Variants in ATF7IP observed in about 807,000 individuals in gnomAD.
ATF7IP encodes activating transcription factor 7-interacting protein 1.
In ATF7IP, 23 loss-of-function variants were observed where a neutral mutation model predicts 106.4. The ratio of observed to expected loss-of-function variants is 0.22; its 90% confidence interval spans 0.16 to 0.31. ATF7IP has a LOEUF of 0.31. Ranked by LOEUF, ATF7IP falls within the 10% of genes least tolerant of loss-of-function variation. The pLI is 1.00. For synonymous variants in ATF7IP, 542 were observed against 539.0 expected (o/e 1.01, Z -0.08); for missense variants, 1,334 against 1,524.3 (o/e 0.88, Z 2.08).
At chr12:14,378,271 T>C (rs1405702437) in intron 1 of ATF7IP, among the ~76,000 whole-genome samples, 1 of 151,892 alleles carries the variant, frequency 6.6e-6, no homozygotes, top group African/African-American at 2.4e-5. Flanking sequence ...CTAATTTTTG[T>C]ATTTTAAGTA....
At chr12:14,386,092 T>C (rs1939224916) in intron 1 of ATF7IP, among the ~76,000 whole-genome samples, 1 of 152,198 alleles carries the variant, frequency 6.6e-6, no homozygotes, top group Non-Finnish European at 1.5e-5. Context: ...TTAAAAAATA[T>C]ATCTAATGTA....
intron 14 of ATF7IP, 30 bp from the exon 15 acceptor site, chr12:14,497,624 A>G: frequency 6.4e-7 from 1 of 1,566,206 alleles, no homozygotes; most frequent in Middle Eastern, 1.7e-4. Flanking sequence ...TTTTGCAATC[A>G]TCATTAATCA....
intron 1 of ATF7IP, among the ~76,000 whole-genome samples, chr12:14,392,083 G>A (rs919357560): frequency 1.3e-5 from 2 of 152,096 alleles, no homozygotes; most frequent in Non-Finnish European, 2.9e-5. Context: ...AGTTTTTCTT[G>A]TTTTTAAAAT....
intron 1 of ATF7IP, among the ~76,000 whole-genome samples, chr12:14,397,178 AAAAC>A (rs1210721941): frequency 2.0e-5 from 3 of 152,136 alleles, no homozygotes; most frequent in African/African-American, 7.2e-5. Flanking sequence ...AAGAAAACCA[AAAAC>A]AAACAAAAAA....
At chr12:14,474,583 T>C (rs2136784611) in intron 10 of ATF7IP, among the ~76,000 whole-genome samples, 1 of 152,106 alleles carries the variant, frequency 6.6e-6, no homozygotes, top group East Asian at 1.9e-4. Context: ...GTATTTTTAG[T>C]AGAGATGGGG....
At chr12:14,379,184 G>A (rs1442443251) in intron 1 of ATF7IP, among the ~76,000 whole-genome samples, 1 of 151,748 alleles carries the variant, frequency 6.6e-6, no homozygotes, top group Non-Finnish European at 1.5e-5. Context: ...CCACAATAGT[G>A]AGTGAGTTCT....
At chr12:14,475,252 G>A (rs1330222218) in intron 10 of ATF7IP, among the ~76,000 whole-genome samples, 1 of 152,180 alleles carries the variant, frequency 6.6e-6, no homozygotes, top group Non-Finnish European at 1.5e-5. Context: ...GAATCAGGTA[G>A]CTAATAAGTT....
chr12:14,368,847 C>A (rs1295890990), intron 1 of ATF7IP, among the ~76,000 whole-genome samples: 2 of 151,644 alleles, frequency 1.3e-5, no homozygotes, highest in African/African-American at 4.8e-5. Context: ...CTTTGGGGTC[C>A]TTAGCTTTTA....
chr12:14,463,941 T>C (rs553775801), intron 9 of ATF7IP, among the ~76,000 whole-genome samples: 1 of 152,274 alleles, frequency 6.6e-6, no homozygotes, highest in African/African-American at 2.4e-5. Flanking sequence ...AAAGAACAGA[T>C]TTGGGGGAAA....
At chr12:14,465,185 G>A (rs941640414) in intron 9 of ATF7IP, among the ~76,000 whole-genome samples, 1 of 151,904 alleles carries the variant, frequency 6.6e-6, no homozygotes, top group Non-Finnish European at 1.5e-5. Context: ...CTGCACTCTC[G>A]CCTGGGTGAC....
intron 10 of ATF7IP, among the ~76,000 whole-genome samples, chr12:14,470,804 AAAAG>A (rs1944015122): frequency 3.3e-5 from 5 of 152,226 alleles, no homozygotes; most frequent in African/African-American, 7.2e-5. Flanking sequence ...TATTTGTCAA[AAAAG>A]AAAGTCTATT....
At chr12:14,377,105 GT>G (rs1187331367) in intron 1 of ATF7IP, among the ~76,000 whole-genome samples, 2 of 150,704 alleles carry the variant, frequency 1.3e-5, no homozygotes, top group African/African-American at 4.9e-5. Context: ...GGCAATTCTT[GT>G]GCTTCAGCCT....
intron 1 of ATF7IP, among the ~76,000 whole-genome samples, chr12:14,388,522 G>GT (rs1473903387): frequency 6.6e-6 from 1 of 150,978 alleles, no homozygotes; most frequent in Non-Finnish European, 1.5e-5. Flanking sequence ...AATTTTTGTA[G>GT]TTTTAGTAGA....
intron 1 of ATF7IP, among the ~76,000 whole-genome samples, chr12:14,388,571 TC>T (rs764707929): frequency 7.9e-5 from 12 of 152,152 alleles, no homozygotes; most frequent in Non-Finnish European, 1.2e-4. Flanking sequence ...GGTCTTGAAC[TC>T]CTGACCTAAA....
At chr12:14,493,826 A>G (rs1944908758) in intron 13 of ATF7IP, among the ~76,000 whole-genome samples, 1 of 151,796 alleles carries the variant, frequency 6.6e-6, no homozygotes, top group African/African-American at 2.4e-5. Flanking sequence ...AGGAGATAAG[A>G]CTCTCATTCA....
chr12:14,438,366 A>C, intron 5 of ATF7IP, 99 bp downstream of exon 5: 1 of 1,140,394 alleles, frequency 8.8e-7, no homozygotes, highest in Admixed American at 2.7e-5. Flanking sequence ...ATACATTTAA[A>C]TTCTAAATGT....
intron 5 of ATF7IP, among the ~76,000 whole-genome samples, chr12:14,443,148 C>G (rs1044024058): frequency 6.6e-6 from 1 of 151,926 alleles, no homozygotes. Context: ...GAGCAAGACT[C>G]TGTCTCAAAA....
At chr12:14,387,629 A>G (rs187537863) in intron 1 of ATF7IP, among the ~76,000 whole-genome samples, 15 of 152,278 alleles carry the variant, frequency 9.9e-5, no homozygotes, top group East Asian at 1.9e-4. Context: ...TCAGGATATT[A>G]TTGCTAATTC....
chr12:14,429,396 C>T (rs1942017092), intron 2 of ATF7IP, among the ~76,000 whole-genome samples: 3 of 152,044 alleles, frequency 2.0e-5, no homozygotes, highest in African/African-American at 7.2e-5. Context: ...GGATAGGCCT[C>T]CTCCACGTGC....
Sources: allele counts gnomAD v4.1 joint callset (sites outside exome capture counted in the v4.1 genomes callset), GRCh38; gene constraint gnomAD v4.1.1; transcripts MANE v1.5; gene names NCBI Gene and HGNC (gene_info 2026-07-23, HGNC 2026-07-21).